TACC1: variants seen among roughly 807,000 people sequenced by gnomAD.
TACC1 encodes the protein transforming acidic coiled-coil-containing protein 1.
A neutral mutation model predicts 84.4 loss-of-function variants in TACC1; 48 were observed. The ratio of observed to expected loss-of-function variants is 0.57; its 90% CI spans 0.45 to 0.72. TACC1 has a LOEUF of 0.72. Ranked by LOEUF, TACC1 falls within the 30% of genes least tolerant of loss-of-function variation. The pLI is 0.00. For missense variants in TACC1, 920 were observed against 973.0 expected (o/e 0.95, Z 0.72); for synonymous variants, 372 against 376.3 (o/e 0.99, Z 0.13).
chr8:38,729,597 G>A (rs540210636), intron 1 of TACC1, among the ~76,000 whole-genome samples: 2 of 152,144 alleles, frequency 1.3e-5, no homozygotes, highest in African/African-American at 2.4e-5. Flanking sequence ...GGCCGGGCGC[G>A]GTGGCTCACA....
chr8:38,846,185 G>A (rs1182793855), intron 11 of TACC1: 1 of 150,394 alleles, frequency 6.6e-6, no homozygotes, highest in Admixed American at 6.6e-5. Flanking sequence ...CGGAGAGGCT[G>A]AGGCAGGAGA....
intron 6 of TACC1, 103 bp downstream of exon 6, chr8:38,831,280 A>C: frequency 8.6e-7 from 1 of 1,162,428 alleles, no homozygotes; most frequent in Non-Finnish European, 1.3e-6. Flanking sequence ...TTAGGTGATG[A>C]GGATAAAATG....
chr8:38,780,379 T>C (rs573457290), intron 3 of TACC1, among the ~76,000 whole-genome samples: 220 of 152,332 alleles, frequency 1.4e-3, no homozygotes, highest in Non-Finnish European at 2.7e-3. Context: ...TTCTTTTTTT[T>C]TGAGATAGAG....
At chr8:38,732,933 A>G (rs1168133662) in intron 1 of TACC1, among the ~76,000 whole-genome samples, 1 of 152,208 alleles carries the variant, frequency 6.6e-6, no homozygotes, top group Non-Finnish European at 1.5e-5. Flanking sequence ...CAAGAGTCAT[A>G]ACTCTTGCAA....
At chr8:38,844,277 A>AT (rs1204224324) in intron 11 of TACC1, among the ~76,000 whole-genome samples, 1 of 151,920 alleles carries the variant, frequency 6.6e-6, no homozygotes, top group Non-Finnish European at 1.5e-5. Flanking sequence ...GGTTCAAGTG[A>AT]TTCTCCTGCC....
intron 3 of TACC1, among the ~76,000 whole-genome samples, chr8:38,753,240 C>A (rs530592220): frequency 2.0e-5 from 3 of 152,098 alleles, no homozygotes; most frequent in South Asian, 2.1e-4. Context: ...TCTGTGACTG[C>A]AGGTGAGCCC....
intron 5 of TACC1, among the ~76,000 whole-genome samples, chr8:38,829,869 A>G (rs1162942196): frequency 6.6e-6 from 1 of 152,214 alleles, no homozygotes; most frequent in Non-Finnish European, 1.5e-5. Flanking sequence ...GGGAATGGCT[A>G]CAGGCCCTGT....
At position 38,847,951 on chromosome 8, in the gene TACC1, T is replaced by C. The variant is rs770393075; in HGVS notation, c.2350-4T>C. 6.2e-6 allele frequency: 10 copies of C among 1,613,796 alleles called. No homozygotes were observed. In the South Asian group the frequency reaches 9.9e-5, roughly 16 times the overall value. On this transcript the variant is annotated splice_region_variant and splice_polypyrimidine_tract_variant and intron_variant, in intron 12 of 12. Coordinates refer to ENST00000317827, the MANE Select transcript of TACC1 (RefSeq NM_006283.3). ...CCTGCATAATTATGTCATTTGTCTT[T>C]CAGAACCAAGAAATTGAAGAACTGA...
chr8:38,803,048 T>C (rs1214891417), intron 2 of TACC1, among the ~76,000 whole-genome samples: 1 of 152,252 alleles, frequency 6.6e-6, no homozygotes, highest in African/African-American at 2.4e-5. Flanking sequence ...GATACTGTTA[T>C]AAATGGAATT....
rs529169888 is a variant in TACC1 at position 38,831,845 on chromosome 8, C to T, written c.1713+668C>T. Among the ~76,000 whole-genome samples the T allele has an allele frequency of 1.1e-4, 17 of 147,978 alleles. No homozygotes were observed. The South Asian group carries it at 2.8e-3, about 24-fold the overall frequency. Reference sequence around the variant, plus strand: ...TTTTGAGACAGAGTTTCACTCTTGTCACCCAGGTTGGAGTACAGTGACGCA... The same window carrying T: ...TTTTGAGACAGAGTTTCACTCTTGTTACCCAGGTTGGAGTACAGTGACGCA... On this transcript the variant is annotated intron_variant, in intron 6 of 12. Transcript: ENST00000317827.
chr8:38,817,163 A>G (rs947583136), intron 2 of TACC1, among the ~76,000 whole-genome samples: 3 of 152,152 alleles, frequency 2.0e-5, no homozygotes, highest in Admixed American at 1.3e-4. Flanking sequence ...AGTGATAACT[A>G]TCTAAACCTT....
chr8:38,756,816 C>T (rs1810126622), intron 3 of TACC1, among the ~76,000 whole-genome samples: 1 of 152,208 alleles, frequency 6.6e-6, no homozygotes, highest in South Asian at 2.1e-4. Flanking sequence ...GGGGAAAGAG[C>T]ATGCCCTTTG....
intron 3 of TACC1, among the ~76,000 whole-genome samples, chr8:38,761,218 G>A (rs367581704): frequency 1.3e-5 from 2 of 152,292 alleles, no homozygotes; most frequent in Admixed American, 6.5e-5. Flanking sequence ...GGTTTTCTAC[G>A]AGTAGTGGGG....
chr8:38,824,263 C>G (rs1390909603), intron 3 of TACC1, among the ~76,000 whole-genome samples: 1 of 152,224 alleles, frequency 6.6e-6, no homozygotes, highest in Non-Finnish European at 1.5e-5. Context: ...CCTGGCTTGG[C>G]AGGTGTCACG....
chr8:38,790,343 T>A lies in TACC1; in HGVS notation c.277+1524T>A, dbSNP rs1818349392. 2.0e-5 allele frequency among the ~76,000 whole-genome samples: 3 copies of A among 152,330 alleles called. No individual in the cohort carries two copies. In the South Asian group the frequency reaches 6.2e-4, roughly 32 times the overall value. ...TCAGAGATACTATTTCTAGATAAGG[T>A]CACATTCATAGGTACTAGGAGTTGG... On this transcript the variant is annotated intron_variant, in intron 2 of 12. Coordinates refer to ENST00000317827, the MANE Select transcript of TACC1 (RefSeq NM_006283.3).
At chr8:38,777,981 A>G (rs1472228164) in intron 3 of TACC1, among the ~76,000 whole-genome samples, 1 of 152,250 alleles carries the variant, frequency 6.6e-6, no homozygotes, top group African/African-American at 2.4e-5. Context: ...GAAATGATGG[A>G]TACAGATGGA....
At chr8:38,738,861 CT>C (rs1274234965) in intron 1 of TACC1, among the ~76,000 whole-genome samples, 1 of 152,132 alleles carries the variant, frequency 6.6e-6, no homozygotes, top group African/African-American at 2.4e-5. Flanking sequence ...GCCCTCTCAG[CT>C]GATAGGGCAA....
At chr8:38,787,802 T>A in intron 1 of TACC1, 59 bp downstream of exon 1, 1 of 1,415,742 alleles carries the variant, frequency 7.1e-7, no homozygotes, top group Non-Finnish European at 9.3e-7. Flanking sequence ...CATCTGCGAC[T>A]CCCTCTGTGT....
At chr8:38,742,056 G>A (rs1210476264) in intron 1 of TACC1, among the ~76,000 whole-genome samples, 2 of 152,222 alleles carry the variant, frequency 1.3e-5, no homozygotes, top group African/African-American at 4.8e-5. Context: ...CTTGGCAGCT[G>A]TTTCCACAGC....
Sources: allele counts gnomAD v4.1 joint callset (sites outside exome capture counted in the v4.1 genomes callset), GRCh38; gene constraint gnomAD v4.1.1; transcripts MANE v1.5; gene names NCBI Gene and HGNC (gene_info 2026-07-23, HGNC 2026-07-21).